The following POU2AF3 variants were observed in gnomAD, a reference collection of about 807,000 sequenced individuals.
The protein encoded by POU2AF3 is POU class 2 homeobox associating factor 3.
chr11:111,298,824 A>AGGCGGGGGGGG, the POU2AF3 span: 18 of 903,138 alleles, frequency 2.0e-5, no homozygotes, highest in Non-Finnish European at 2.5e-5. Context: ...CGCGTACCCC[A>AGGCGGGGGGGG]GGCCCCCGCC....
At chr11:111,302,507 A>T in the POU2AF3 span, among the ~76,000 whole-genome samples, 1 of 152,202 alleles carries the variant, frequency 6.6e-6, no homozygotes, top group Non-Finnish European at 1.5e-5. Flanking sequence ...GGGCCCTTAC[A>T]GATGGGTGTG....
the POU2AF3 span, chr11:111,299,445 A>C: frequency 9.5e-7 from 1 of 1,049,416 alleles, no homozygotes; most frequent in African/African-American, 1.7e-5. Context: ...CAACCTACTC[A>C]CTGCGGCTTT....
At chr11:111,298,826 G>GGGGGGGGGCCC in the POU2AF3 span, 27 of 790,948 alleles carry the variant, frequency 3.4e-5, no homozygotes, top group South Asian at 6.7e-5. Context: ...CGTACCCCAG[G>GGGGGGGGGCCC]CCCCCGCCCG....
At chr11:111,299,373 C>G in the POU2AF3 span, 44 of 995,042 alleles carry the variant, frequency 4.4e-5, no homozygotes, top group Non-Finnish European at 5.3e-5. Context: ...CCGCCCCGGA[C>G]TCCTGCGGCC....
chr11:111,306,269 C>T, the POU2AF3 span: 1 of 473,902 alleles, frequency 2.1e-6, no homozygotes. Flanking sequence ...TTCCCGTTTA[C>T]TTTTCTGGAT....
At chr11:111,306,566 T>C in the POU2AF3 span, 1 of 1,551,754 alleles carries the variant, frequency 6.4e-7, no homozygotes, top group Non-Finnish European at 8.7e-7. Flanking sequence ...CACAAAGTGC[T>C]CCACACCATT....
At chr11:111,300,675 CTG>C in the POU2AF3 span, 3 of 961,978 alleles carry the variant, frequency 3.1e-6, no homozygotes, top group Non-Finnish European at 4.0e-6. Flanking sequence ...TCTTTCAAAG[CTG>C]TGTCTGCAAG....
the POU2AF3 span, chr11:111,299,570 C>T: frequency 2.5e-6 from 3 of 1,212,514 alleles, no homozygotes; most frequent in Non-Finnish European, 3.1e-6. Flanking sequence ...GACCGGGCCC[C>T]GCCAGCCCCG....
the POU2AF3 span, chr11:111,299,734 G>A: frequency 3.2e-6 from 4 of 1,231,548 alleles, no homozygotes; most frequent in South Asian, 8.2e-5. Context: ...GGTAGGGAGA[G>A]AGGGGAAGAA....
the POU2AF3 span, among the ~76,000 whole-genome samples, chr11:111,303,258 G>C: frequency 6.6e-6 from 1 of 152,072 alleles, no homozygotes; most frequent in South Asian, 2.1e-4. Flanking sequence ...CACACACACA[G>C]ACACACACAC....
the POU2AF3 span, chr11:111,308,208 C>G: frequency 2.3e-5 from 35 of 1,551,726 alleles, no homozygotes; most frequent in Admixed American, 1.6e-4. Context: ...GGCTACCCCC[C>G]AGAAGACCAT....
chr11:111,299,960 G>A, the POU2AF3 span: 1 of 401,788 alleles, frequency 2.5e-6, no homozygotes, highest in Non-Finnish European at 4.4e-6. Context: ...TCCCGGGCTG[G>A]CTTCCAGACC....
chr11:111,303,777 A>T, the POU2AF3 span, among the ~76,000 whole-genome samples: 1 of 152,164 alleles, frequency 6.6e-6, no homozygotes, highest in East Asian at 1.9e-4. Context: ...TGTGGCTCAG[A>T]GTATGGGAGT....
At chr11:111,303,529 G>A in the POU2AF3 span, among the ~76,000 whole-genome samples, 1 of 152,166 alleles carries the variant, frequency 6.6e-6, no homozygotes, top group African/African-American at 2.4e-5. Flanking sequence ...ATAACATGGG[G>A]TGGAGGCAGA....
At chr11:111,298,826 G>GGGGGGGGGGCGCC in the POU2AF3 span, 2 of 790,952 alleles carry the variant, frequency 2.5e-6, no homozygotes, top group Non-Finnish European at 3.4e-6. Flanking sequence ...CGTACCCCAG[G>GGGGGGGGGGCGCC]CCCCCGCCCG....
the POU2AF3 span, among the ~76,000 whole-genome samples, chr11:111,304,563 G>A: frequency 6.6e-6 from 1 of 152,122 alleles, no homozygotes; most frequent in East Asian, 1.9e-4. Context: ...TCTGTTTTAT[G>A]ATTCGATTTC....
chr11:111,299,199 G>A, the POU2AF3 span: 8 of 973,774 alleles, frequency 8.2e-6, no homozygotes, highest in East Asian at 1.1e-4. Context: ...GGGGATCCCT[G>A]CTGTCCAGCT....
At chr11:111,301,099 A>G in the POU2AF3 span, among the ~76,000 whole-genome samples, 1 of 152,128 alleles carries the variant, frequency 6.6e-6, no homozygotes, top group South Asian at 2.1e-4. Flanking sequence ...TTATCTGTAA[A>G]TCATCAGTTA....
At chr11:111,298,809 A>G in the POU2AF3 span, 1 of 1,207,184 alleles carries the variant, frequency 8.3e-7, no homozygotes, top group Non-Finnish European at 1.0e-6. Flanking sequence ...GCCGCTCCGG[A>G]CGTCCGCGTA....
Sources: gnomAD v4.1 joint callset for allele counts (sites outside exome capture counted in the v4.1 genomes callset) on GRCh38, gnomAD v4.1.1 for gene constraint, MANE v1.5 for transcripts, NCBI Gene and HGNC (gene_info 2026-07-23, HGNC 2026-07-21) for gene names.